LY96: variants seen among roughly 807,000 people sequenced by gnomAD.
LY96 encodes the protein myeloid differentiation protein-2.
A neutral mutation model predicts 18.9 loss-of-function variants in LY96; 18 were observed. That is an observed-to-expected ratio of 0.95 (90% CI 0.66 to 1.41). LY96 has a LOEUF of 1.41. Among genes scored for constraint, LY96 ranks in the 40% most tolerant of loss-of-function variants. The pLI, the probability that LY96 is intolerant of heterozygous loss-of-function variation, is 0.00. For synonymous variants in LY96, 66 were observed against 62.6 expected (o/e 1.06, Z -0.26); for missense variants, 175 against 182.4 (o/e 0.96, Z 0.23).
chr8:74,098,625 C>A, the LY96 span, among the ~76,000 whole-genome samples: 1 of 152,214 alleles, frequency 6.6e-6, no homozygotes, highest in African/African-American at 2.4e-5. Context: ...CCACCTTGGC[C>A]TCCCAAAGTG....
the LY96 span, among the ~76,000 whole-genome samples, chr8:74,074,315 A>C: frequency 1.3e-5 from 2 of 152,194 alleles, no homozygotes. Context: ...ATAGTTTTAA[A>C]AAGAGAAATC....
chr8:73,992,556 T>C lies in LY96; in HGVS notation c.112+1002T>C, dbSNP rs891858893. On this transcript the variant is annotated intron_variant, in intron 1 of 4. Coordinates refer to ENST00000284818, the MANE Select transcript of LY96 (RefSeq NM_015364.5). ...GTTTTAGTCTGGAGTGTATGTTAACTCTCTTGAGAAACATGCTCTGCCAAA... is the reference window on the plus strand; with the variant it reads ...GTTTTAGTCTGGAGTGTATGTTAACCCTCTTGAGAAACATGCTCTGCCAAA... 2.6e-5 allele frequency among the ~76,000 whole-genome samples: 4 copies of C among 152,174 alleles called. No individual in the cohort carries two copies. In the East Asian group the frequency reaches 5.8e-4, roughly 22 times the overall value.
intron 1 of LY96, among the ~76,000 whole-genome samples, chr8:74,003,642 A>G (rs1175369568): frequency 6.6e-6 from 1 of 152,186 alleles, no homozygotes; most frequent in Non-Finnish European, 1.5e-5. Context: ...CTGTAAACTC[A>G]TATCATAAAA....
At chr8:74,011,625 C>A (rs1295354961) in intron 3 of LY96, among the ~76,000 whole-genome samples, 3 of 152,058 alleles carry the variant, frequency 2.0e-5, no homozygotes, top group Non-Finnish European at 4.4e-5. Flanking sequence ...CTTTGGGATA[C>A]CAAGGCAGGT....
At chr8:74,080,788 C>T in the LY96 span, among the ~76,000 whole-genome samples, 2 of 152,172 alleles carry the variant, frequency 1.3e-5, no homozygotes, top group African/African-American at 4.8e-5. Flanking sequence ...TCACCTTCTC[C>T]AGGGACCATC....
intron 2 of LY96, among the ~76,000 whole-genome samples, chr8:74,008,040 G>A (rs1445878565): frequency 9.2e-5 from 14 of 152,302 alleles, no homozygotes; most frequent in Admixed American, 3.3e-4. Context: ...GATTACAGGC[G>A]TGAGCCACCG....
At chr8:74,002,058 C>T (rs182738051) in intron 1 of LY96, among the ~76,000 whole-genome samples, 3,290 of 31,460 alleles carry the variant, frequency 0.1, 548 homozygotes, top group African/African-American at 0.28. Context: ...TTCCTTCCTT[C>T]CTTCCTTCCT....
chr8:74,031,650 G>C (rs903634329), downstream of LY96, among the ~76,000 whole-genome samples: 1 of 147,312 alleles, frequency 6.8e-6, no homozygotes, highest in Non-Finnish European at 1.5e-5. Flanking sequence ...AAAAAAAAAA[G>C]TAATTTTTTT....
the LY96 span, among the ~76,000 whole-genome samples, chr8:74,047,076 A>G: frequency 6.6e-6 from 1 of 151,748 alleles, no homozygotes; most frequent in East Asian, 1.9e-4. Context: ...TAATTTTTGT[A>G]TTTTTAGTTG....
chr8:74,081,138 C>CTTTCTTCTTTCT, the LY96 span, among the ~76,000 whole-genome samples: 1 of 112,474 alleles, frequency 8.9e-6, no homozygotes, highest in African/African-American at 3.4e-5. Context: ...TCCTTCCTTC[C>CTTTCTTCTTTCT]TTCCTTCTTT....
chr8:74,019,932 G>C (rs532370056), intron 3 of LY96, among the ~76,000 whole-genome samples: 1 of 152,202 alleles, frequency 6.6e-6, no homozygotes, highest in East Asian at 1.9e-4. Flanking sequence ...AAAATAATAA[G>C]AGCTATTTAT....
chr8:74,035,619 C>G, the LY96 span, among the ~76,000 whole-genome samples: 1 of 152,110 alleles, frequency 6.6e-6, no homozygotes, highest in East Asian at 1.9e-4. Flanking sequence ...GCCCTCTTCC[C>G]TTTTGGAATT....
At chr8:74,002,012 TTCCTTCCTTCCTTCCTTCCTTCCTTC>T (rs1816289354) in intron 1 of LY96, among the ~76,000 whole-genome samples, 3 of 9,820 alleles carry the variant, frequency 3.1e-4, no homozygotes, top group African/African-American at 9.6e-4. Context: ...CCTTTCTTCC[TTCCTTCCTTCCTTCCTTCCTTCCTTC>T]CTTCCTTCCT....
intron 3 of LY96, among the ~76,000 whole-genome samples, chr8:74,023,650 CT>C (rs1305936063): frequency 6.6e-6 from 1 of 152,092 alleles, no homozygotes; most frequent in African/African-American, 2.4e-5. Context: ...TGTTCCATGT[CT>C]TGGGGACCTT....
At chr8:74,026,887 T>C (rs1816882809) in intron 4 of LY96, 46 bp downstream of exon 4, 2 of 955,666 alleles carry the variant, frequency 2.1e-6, no homozygotes, top group African/African-American at 3.2e-5. Context: ...TTAGCAGTAA[T>C]AGACATGTTA....
the LY96 span, among the ~76,000 whole-genome samples, chr8:74,080,984 C>CTCTTTCTTTCTTTCTTTCTTTCTT: frequency 9.5e-6 from 1 of 105,172 alleles, no homozygotes; most frequent in Non-Finnish European, 1.9e-5. Flanking sequence ...TTCTTTCTCT[C>CTCTTTCTTTCTTTCTTTCTTTCTT]TCTTTCTTTC....
At chr8:74,076,357 C>A in the LY96 span, among the ~76,000 whole-genome samples, 67 of 151,140 alleles carry the variant, frequency 4.4e-4, no homozygotes, top group Admixed American at 1.4e-3. Context: ...AAATTTCACT[C>A]TTATTACCCA....
At chr8:74,040,526 A>T in the LY96 span, among the ~76,000 whole-genome samples, 23 of 152,270 alleles carry the variant, frequency 1.5e-4, no homozygotes, top group South Asian at 4.6e-3. Context: ...TGAGAGATAG[A>T]GGTCTAGCTT....
At chr8:74,085,516 A>C in the LY96 span, among the ~76,000 whole-genome samples, 2 of 152,200 alleles carry the variant, frequency 1.3e-5, no homozygotes, top group South Asian at 4.1e-4. Flanking sequence ...TTGTCACCGG[A>C]GTGTCATTGT....
Sources: gnomAD v4.1 joint callset for allele counts (sites outside exome capture counted in the v4.1 genomes callset) on GRCh38, gnomAD v4.1.1 for gene constraint, MANE v1.5 for transcripts, NCBI Gene and HGNC (gene_info 2026-07-23, HGNC 2026-07-21) for gene names.